RHBDD1: variants seen among roughly 807,000 people sequenced by gnomAD.
RHBDD1 encodes rhomboid domain containing 1, also known as rhomboid-related protein 4.
In RHBDD1, 38 loss-of-function variants were observed where a neutral mutation model predicts 36.3. That is an observed-to-expected ratio of 1.05 (90% CI 0.81 to 1.37). The LOEUF (loss-of-function observed/expected upper bound fraction) is 1.37. Ranked by LOEUF, RHBDD1 falls within the 40% of genes most tolerant of loss-of-function variation. The pLI, the probability that RHBDD1 is intolerant of heterozygous loss-of-function variation, is 0.00. For missense variants in RHBDD1, 393 were observed against 377.6 expected (o/e 1.04, Z -0.34); for synonymous variants, 151 against 136.5 (o/e 1.11, Z -0.74).
chr2:226,818,149 A>G, the RHBDD1 span, among the ~76,000 whole-genome samples: 1 of 144,674 alleles, frequency 6.9e-6, no homozygotes. Flanking sequence ...TGGTCCAAAC[A>G]GTATTTTTTT....
intron 8 of RHBDD1, among the ~76,000 whole-genome samples, chr2:226,958,634 G>C (rs1371029038): frequency 6.6e-6 from 1 of 151,730 alleles, no homozygotes; most frequent in Non-Finnish European, 1.5e-5. Flanking sequence ...AATAATAGAG[G>C]AGAAAAACTG....
chr2:226,811,169 C>T, the RHBDD1 span: 1 of 152,094 alleles, frequency 6.6e-6, no homozygotes, highest in Non-Finnish European at 1.5e-5. Flanking sequence ...CCCTTTTTCC[C>T]CTCCTATTAA....
chr2:226,830,322 G>A, the RHBDD1 span, among the ~76,000 whole-genome samples: 4 of 152,128 alleles, frequency 2.6e-5, no homozygotes, highest in African/African-American at 9.7e-5. Context: ...TGAGGAAGCA[G>A]GCACTCATCA....
chr2:226,913,406 G>A (rs952152672), intron 7 of RHBDD1, among the ~76,000 whole-genome samples: 1 of 152,102 alleles, frequency 6.6e-6, no homozygotes, highest in South Asian at 2.1e-4. Context: ...AACCTTCTGT[G>A]GGGAACAAAA....
chr2:226,863,294 A>G (rs937119015), intron 3 of RHBDD1, among the ~76,000 whole-genome samples: 5 of 152,240 alleles, frequency 3.3e-5, no homozygotes, highest in African/African-American at 7.2e-5. Flanking sequence ...AGCCAAGATC[A>G]TGCCATTGCA....
intron 8 of RHBDD1, among the ~76,000 whole-genome samples, chr2:226,937,470 G>A (rs986399581): frequency 6.6e-6 from 1 of 151,938 alleles, no homozygotes; most frequent in African/African-American, 2.4e-5. Context: ...TACATGTGCA[G>A]GAAATGCAGG....
At chr2:226,933,603 A>T (rs182280429) in intron 8 of RHBDD1, among the ~76,000 whole-genome samples, 75 of 152,044 alleles carry the variant, frequency 4.9e-4, no homozygotes, top group Non-Finnish European at 9.4e-4. Context: ...TTTTAGATTT[A>T]TATTTGTTTA....
chr2:226,889,153 A>T (rs1410688219), intron 5 of RHBDD1, among the ~76,000 whole-genome samples: 1 of 152,190 alleles, frequency 6.6e-6, no homozygotes, highest in Non-Finnish European at 1.5e-5. Flanking sequence ...TGTTTAACAC[A>T]CATGGTTTGT....
At chr2:226,838,657 G>A (rs1294632959) in intron 2 of RHBDD1, among the ~76,000 whole-genome samples, 2 of 152,154 alleles carry the variant, frequency 1.3e-5, no homozygotes, top group Non-Finnish European at 2.9e-5. Flanking sequence ...CTAACTTTAT[G>A]CCATTCATTT....
intron 8 of RHBDD1, among the ~76,000 whole-genome samples, chr2:226,976,769 G>A (rs1213846049): frequency 6.6e-6 from 1 of 152,176 alleles, no homozygotes; most frequent in African/African-American, 2.4e-5. Context: ...TGGGCCTATC[G>A]GGTAGGTGTC....
chr2:226,923,147 C>T (rs1488986923), intron 8 of RHBDD1, among the ~76,000 whole-genome samples: 1 of 152,114 alleles, frequency 6.6e-6, no homozygotes, highest in African/African-American at 2.4e-5. Context: ...TTTTATTGCT[C>T]ATTAACATCC....
rs537286262 is a variant in RHBDD1 at position 226,865,608 on chromosome 2, C to T, written c.433+482C>T. ...GGGAAAACAGGAGCCTAGGATTCAT[C>T]GTGAGCCCATCTTCAAGGCTCAAAA... is the stretch of plus-strand genomic sequence containing the variant. On this transcript the variant is annotated intron_variant, in intron 4 of 8. Coordinates refer to ENST00000392062, the MANE Select transcript of RHBDD1 (RefSeq NM_001167608.3). Among the ~76,000 whole-genome samples the T allele has an allele frequency of 2.7e-3, 407 of 152,280 alleles. 4 individuals are homozygous for T. The highest frequency in any genetic ancestry group is 3.4e-3 in the Non-Finnish European group (228 of 68,024).
chr2:226,819,975 G>GTT, the RHBDD1 span, among the ~76,000 whole-genome samples: 1 of 81,936 alleles, frequency 1.2e-5, no homozygotes, highest in African/African-American at 5.8e-5. Context: ...CATATTGTGT[G>GTT]TGTTTTTTTT....
chr2:226,953,802 G>A (rs1341485655), intron 8 of RHBDD1, among the ~76,000 whole-genome samples: 1 of 152,106 alleles, frequency 6.6e-6, no homozygotes, highest in Non-Finnish European at 1.5e-5. Context: ...AGTTTTAATG[G>A]GTTCCAGCGA....
intron 5 of RHBDD1, among the ~76,000 whole-genome samples, chr2:226,898,297 G>T (rs1212648062): frequency 6.6e-6 from 1 of 152,178 alleles, no homozygotes; most frequent in Admixed American, 6.5e-5. Context: ...GCTAAACATT[G>T]TCTGTTATCT....
intron 5 of RHBDD1, among the ~76,000 whole-genome samples, chr2:226,900,453 CA>C (rs1386889126): frequency 6.6e-6 from 1 of 152,130 alleles, no homozygotes; most frequent in African/African-American, 2.4e-5. Flanking sequence ...GTCAGTATCA[CA>C]GTCAGTATTT....
chr2:226,852,893 C>T (rs1347432219), intron 3 of RHBDD1, among the ~76,000 whole-genome samples: 2 of 140,138 alleles, frequency 1.4e-5, no homozygotes, highest in Non-Finnish European at 3.1e-5. Flanking sequence ...GCCACTGCAC[C>T]TGGCTAATTT....
chr2:226,880,503 G>A (rs1469091924), intron 5 of RHBDD1, among the ~76,000 whole-genome samples: 1 of 152,166 alleles, frequency 6.6e-6, no homozygotes, highest in Non-Finnish European at 1.5e-5. Context: ...ATGAGAAGGA[G>A]AAATTTTGAG....
At chr2:226,842,510 C>T (rs546214379) in intron 3 of RHBDD1, among the ~76,000 whole-genome samples, 5 of 152,190 alleles carry the variant, frequency 3.3e-5, no homozygotes, top group Non-Finnish European at 5.9e-5. Flanking sequence ...ATATGGCTAC[C>T]CATTTCTCCC....
Sources: allele counts gnomAD v4.1 joint callset (sites outside exome capture counted in the v4.1 genomes callset), GRCh38; gene constraint gnomAD v4.1.1; transcripts MANE v1.5; gene names NCBI Gene and HGNC (gene_info 2026-07-23, HGNC 2026-07-21).